The following ADAM17 variants were observed in gnomAD, a reference collection of about 807,000 sequenced individuals.
ADAM17 encodes ADAM metallopeptidase domain 17.
A neutral mutation model predicts 96.7 loss-of-function variants in ADAM17; 39 were observed. The ratio of observed to expected loss-of-function variants is 0.40; its 90% confidence interval spans 0.31 to 0.53. ADAM17 has a LOEUF of 0.53. Ranked by LOEUF, ADAM17 falls within the 20% of genes least tolerant of loss-of-function variation. The pLI is 0.44. For missense variants in ADAM17, 777 were observed against 1,013.2 expected, an observed-to-expected ratio of 0.77 and a Z score of 3.17; for synonymous variants, 344 against 359.2, an observed-to-expected ratio of 0.96 and a Z score of 0.48.
intron 1 of ADAM17, among the ~76,000 whole-genome samples, chr2:9,544,820 A>G (rs1665344693): frequency 6.6e-6 from 1 of 152,062 alleles, no homozygotes; most frequent in African/African-American, 2.4e-5. Flanking sequence ...GCAAGACTCC[A>G]TCTCAAAAGA....
intron 1 of ADAM17, among the ~76,000 whole-genome samples, chr2:9,551,176 G>A (rs1665581048): frequency 1.3e-5 from 2 of 150,868 alleles, no homozygotes; most frequent in Non-Finnish European, 2.9e-5. Context: ...AGAGATACAC[G>A]TCTAGTCATT....
chr2:9,528,549 G>C (rs913894132), intron 4 of ADAM17, among the ~76,000 whole-genome samples: 1 of 152,290 alleles, frequency 6.6e-6, no homozygotes, highest in South Asian at 2.1e-4. Flanking sequence ...AATGTTACAA[G>C]GCCAGAGTAA....
chr2:9,510,556 C>T (rs962453521), intron 10 of ADAM17, among the ~76,000 whole-genome samples: 5 of 151,654 alleles, frequency 3.3e-5, no homozygotes, highest in South Asian at 2.1e-4. Context: ...CTCAACTACT[C>T]GGGAGGCTGA....
intron 7 of ADAM17, chr2:9,522,556 A>AT: frequency 8.5e-6 from 4 of 473,134 alleles, no homozygotes; most frequent in East Asian, 3.0e-5. Flanking sequence ...ATTTTTAAAA[A>AT]TTTTTTCAAC....
At chr2:9,494,570 T>C in intron 15 of ADAM17, 67 bp downstream of exon 15, 1 of 1,578,580 alleles carries the variant, frequency 6.3e-7, no homozygotes, top group Non-Finnish European at 8.7e-7. Flanking sequence ...ATCTGCAAAA[T>C]CAAGTACTTA....
At chr2:9,503,789 G>C (rs1663180189) in intron 12 of ADAM17, among the ~76,000 whole-genome samples, 2 of 147,702 alleles carry the variant, frequency 1.4e-5, no homozygotes, top group Non-Finnish European at 3.0e-5. Flanking sequence ...AGTGAGCCAA[G>C]ATCACGCCAC....
At chr2:9,502,520 T>A (rs1052733632) in intron 12 of ADAM17, among the ~76,000 whole-genome samples, 1 of 152,082 alleles carries the variant, frequency 6.6e-6, no homozygotes, top group Non-Finnish European at 1.5e-5. Flanking sequence ...AACACAGCAA[T>A]CACCTGTGAA....
chr2:9,552,452 G>A (rs1019438919), intron 1 of ADAM17, among the ~76,000 whole-genome samples: 1 of 152,206 alleles, frequency 6.6e-6, no homozygotes, highest in African/African-American at 2.4e-5. Flanking sequence ...TCAAAGGAAT[G>A]CAGCCAGTAA....
At chr2:9,494,957 G>A (rs903498385) in intron 14 of ADAM17, 190 bp from the exon 15 acceptor site, 102 of 535,524 alleles carry the variant, frequency 1.9e-4, no homozygotes, top group Non-Finnish European at 3.0e-4. Context: ...AGCCTTCAGT[G>A]ACAGAGGCCA....
intron 14 of ADAM17, 93 bp from the exon 15 acceptor site, chr2:9,494,860 G>C (rs886529121): frequency 1.4e-4 from 212 of 1,476,838 alleles, no homozygotes; most frequent in Admixed American, 1.9e-4. Context: ...CTCCCAAAGA[G>C]GTAAGAAATC....
intron 1 of ADAM17, among the ~76,000 whole-genome samples, chr2:9,547,210 C>T (rs984138365): frequency 3.9e-5 from 6 of 152,198 alleles, no homozygotes; most frequent in Admixed American, 6.5e-5. Flanking sequence ...TTCTTGCACA[C>T]ACATTCTACA....
intron 4 of ADAM17, among the ~76,000 whole-genome samples, chr2:9,530,614 G>C (rs1664699303): frequency 6.6e-6 from 1 of 151,932 alleles, no homozygotes; most frequent in African/African-American, 2.4e-5. Context: ...TCCTGGACTG[G>C]AAAACCAAAA....
chr2:9,490,382 T>C lies in ADAM17; in HGVS notation c.2270A>G (p.Gln757Arg), dbSNP rs779511668. The C allele has an allele frequency of 2.8e-5, 46 of 1,614,064 alleles. No individual in the cohort carries two copies. In the East Asian group the frequency reaches 8.9e-4, roughly 31 times the overall value. Residue 757 changes from glutamine (Q) to arginine (R), a missense_variant, in exon 19 of 19, where the codon CAG (glutamine) becomes CGG (arginine). By Grantham distance (43) the Gln-to-Arg change is conservative. Transcript: ENST00000310823. ...GTCTTCCTGGATGGTGTCCATTCTC[T>C]GGTGGTCCAGTTTTGGAGCTGCTGG... ...SAPAAPKLDH[Q>R]RMDTIQEDPS...
chr2:9,536,613 G>A, intron 3 of ADAM17, 85 bp downstream of exon 3: 1 of 1,565,240 alleles, frequency 6.4e-7, no homozygotes, highest in Non-Finnish European at 8.7e-7. Flanking sequence ...CCACTATCCT[G>A]CACCAGAAAA....
intron 5 of ADAM17, among the ~76,000 whole-genome samples, chr2:9,526,611 C>T (rs749162753): frequency 6.6e-6 from 1 of 152,064 alleles, no homozygotes; most frequent in African/African-American, 2.4e-5. Flanking sequence ...GCCTGGCCAA[C>T]ATGATGAAAC....
Position 9,527,856 on chromosome 2 carries a change from C to A in ADAM17, c.549G>T (p.Val183=). The A allele has an allele frequency of 6.2e-7, 1 of 1,606,488 alleles. No homozygotes were observed. Reference sequence around the variant, plus strand: ...CATTATCCACTTTTAAATAACCACACACTTTTGGAGACTGCAAACGTGAAA... The same window carrying A: ...CATTATCCACTTTTAAATAACCACAAACTTTTGGAGACTGCAAACGTGAAA... The part of the protein sequence containing the change: ...KNVSRLQSPK[V]CGYLKVDNEE... The change falls in exon 5 of 19, where the codon GTG becomes GTT. Residue 183 remains valine, a synonymous_variant. Transcript: ENST00000310823.
chr2:9,508,115 C>T (rs1184398881), intron 11 of ADAM17, among the ~76,000 whole-genome samples: 1 of 152,178 alleles, frequency 6.6e-6, no homozygotes, highest in Non-Finnish European at 1.5e-5. Flanking sequence ...AAACATTTTG[C>T]TCCCAAGTTC....
intron 6 of ADAM17, 94 bp from the exon 7 acceptor site, chr2:9,523,432 G>C: frequency 9.0e-7 from 1 of 1,113,182 alleles, no homozygotes; most frequent in Non-Finnish European, 1.3e-6. Context: ...AAAAATCTCA[G>C]TTTAGAGGCC....
At chr2:9,531,297 G>A (rs981638544) in intron 4 of ADAM17, among the ~76,000 whole-genome samples, 10 of 151,934 alleles carry the variant, frequency 6.6e-5, no homozygotes, top group African/African-American at 1.9e-4. Flanking sequence ...GCCAAGCATG[G>A]TGGCTCACGT....
Sources: allele counts gnomAD v4.1 joint callset (sites outside exome capture counted in the v4.1 genomes callset), GRCh38; gene constraint gnomAD v4.1.1; transcripts MANE v1.5; gene names NCBI Gene and HGNC (gene_info 2026-07-23, HGNC 2026-07-21).